Variants in DNAH2 observed in about 807,000 individuals in gnomAD.
DNAH2 encodes axonemal beta dynein heavy chain 2.
Under a neutral mutation model 523.5 loss-of-function variants are expected in DNAH2, and 323 were observed. The ratio of observed to expected loss-of-function variants is 0.62; its 90% CI spans 0.56 to 0.68. DNAH2 has a LOEUF of 0.68. Among genes scored for constraint, DNAH2 ranks in the 30% least tolerant of loss-of-function variants. The pLI is 0.00. For missense variants in DNAH2, 4,907 were observed against 5,701.5 expected (o/e 0.86, Z 4.49); for synonymous variants, 2,093 against 2,177.4 (o/e 0.96, Z 1.08).
intron 4 of DNAH2, among the ~76,000 whole-genome samples, chr17:7,728,589 A>G (rs368382058): frequency 1.3e-5 from 2 of 152,238 alleles, no homozygotes; most frequent in Admixed American, 6.5e-5. Flanking sequence ...AGTATGATTT[A>G]TATGAAGGAA....
chr17:7,797,401 G>GTCTTC lies in DNAH2; in HGVS notation c.7955_7959dup (p.Asp2654SerfsTer18). 6.2e-7 allele frequency: 1 copy of GTCTTC among 1,614,130 alleles called. No homozygotes were observed. The highest frequency in any genetic ancestry group is 8.5e-7 in the Non-Finnish European group (1 of 1,180,034). On this transcript the variant is annotated frameshift_variant and splice_region_variant, in exon 52 of 86. Transcript: ENST00000572933. LOFTEE classifies it high-confidence loss of function. ...CTCACCCCAGTTCCCTGCCCACAGA[G>GTCTTC]TCTTCTCTGACCGGCTGGTTGATGC...
chr17:7,765,370 T>G, intron 20 of DNAH2, 21 bp from the exon 21 acceptor site: 1 of 1,602,068 alleles, frequency 6.2e-7, no homozygotes, highest in South Asian at 1.1e-5. Context: ...CTGGTCATCC[T>G]CCACTCTCTG....
chr17:7,730,717 C>G (rs2074958175), intron 4 of DNAH2, among the ~76,000 whole-genome samples: 1 of 152,122 alleles, frequency 6.6e-6, no homozygotes, highest in Non-Finnish European at 1.5e-5. Flanking sequence ...GAGACAATCG[C>G]TTGAACCCGG....
chr17:7,727,382 C>A, intron 4 of DNAH2, 90 bp downstream of exon 4: 1 of 1,503,152 alleles, frequency 6.7e-7, no homozygotes. Flanking sequence ...TTGTCATCTC[C>A]TGTGCCCACG....
chr17:7,794,223 C>T, intron 48 of DNAH2, 31 bp from the exon 49 acceptor site: 1 of 1,550,438 alleles, frequency 6.4e-7, no homozygotes, highest in Non-Finnish European at 8.8e-7. Context: ...TCCCCTCCTG[C>T]CTGTCTGCCC....
Position 7,824,191 on chromosome 17 carries a change from C to A in DNAH2, c.11549C>A (p.Ala3850Asp). The A allele has an allele frequency of 1.2e-6, 2 of 1,605,510 alleles. No individual in the cohort carries two copies. Among genetic ancestry groups the A allele is most frequent in the Non-Finnish European group, 1.7e-6 (2 of 1,177,720 alleles). The change falls in exon 76 of 86, where the codon GCC becomes GAC. Residue 3850 changes from alanine (A) to aspartate (D), a missense_variant. Coordinates refer to ENST00000572933, the MANE Select transcript of DNAH2 (RefSeq NM_020877.5). ...ILSPGVDPTS[A>D]LLQLAEHMGM... Reference sequence around the variant, plus strand: ...TCCCCTGGTGTGGACCCCACCAGTGCCCTGCTGCAGCTGGCAGAGCACATG... The same window carrying A: ...TCCCCTGGTGTGGACCCCACCAGTGACCTGCTGCAGCTGGCAGAGCACATG...
At position 7,780,083 on chromosome 17, in the gene DNAH2, T is replaced by C; in HGVS notation, c.5723-74T>C. On this transcript the variant is annotated intron_variant, in intron 36 of 85. Transcript: ENST00000572933. This position sits in a 1 kb window ranked among gnomAD's most constrained non-coding sequence, Gnocchi z 4.4. Reference sequence around the variant, plus strand: ...TTAGGGTGGGAGAAAATGAGACTGATTGGAAAGTGGGTTTGGGGAAGCAAA... The same window carrying C: ...TTAGGGTGGGAGAAAATGAGACTGACTGGAAAGTGGGTTTGGGGAAGCAAA... 2 of 1,556,164 alleles carry C rather than the reference T, an allele frequency of 1.3e-6. No individual in the cohort carries two copies. The highest frequency in any genetic ancestry group is 1.7e-6 in the Non-Finnish European group (2 of 1,149,636).
chr17:7,741,941 G>A (rs554949080), intron 11 of DNAH2, among the ~76,000 whole-genome samples: 3 of 152,016 alleles, frequency 2.0e-5, no homozygotes, highest in Admixed American at 2.0e-4. Flanking sequence ...GGGATTACAG[G>A]CATGAGCCAC....
At position 7,792,694 on chromosome 17, in the gene DNAH2, A is replaced by G; in HGVS notation, c.7183A>G (p.Thr2395Ala). ...FYKIMVPTVD[T>A]VRYNYLVSSL... The stretch of plus-strand genomic sequence containing the variant: ...TAAGATCATGGTGCCCACCGTCGAC[A>G]CTGTTCGCTACAACTACCTGGTGAG... Residue 2395 changes from threonine to alanine, a missense_variant, in exon 47 of 86, where the codon ACT becomes GCT. This residue lies in a region of DNAH2 where 2,806 missense variants were observed against 3,190.8 expected (regional missense o/e 0.88). Transcript: ENST00000572933. 1 of 1,614,106 alleles carries G rather than the reference A, an allele frequency of 6.2e-7. No homozygotes were observed. Among genetic ancestry groups the G allele is most frequent in the African/African-American group, 1.3e-5 (1 of 75,022 alleles).
At position 7,786,591 on chromosome 17, in the gene DNAH2, G is replaced by A. The variant is rs1451658910; in HGVS notation, c.6370G>A (p.Ala2124Thr). The A allele has an allele frequency of 6.8e-6, 11 of 1,613,830 alleles. 1 individual carries two copies. Among genetic ancestry groups the A allele is most frequent in the Non-Finnish European group, 9.3e-6 (11 of 1,180,014 alleles). ...TCAGGAGTTCCCTTTGAACCCCAAG[G>A]CATTGTCCCTAGGGGAACTGTATGG... is the stretch of plus-strand genomic sequence containing the variant. ...IVREFPLNPK[A>T]LSLGELYGEY... The change falls in exon 41 of 86, where the codon GCA becomes ACA. Residue 2124 changes from alanine (A) to threonine (T), a missense_variant. Ala to Thr is a moderately conservative substitution (Grantham distance 58, BLOSUM62 0). Around this residue, in one of 3 missense-constraint regions of DNAH2, gnomAD observed 2,806 missense variants for 3,190.8 expected, o/e 0.88. Coordinates refer to ENST00000572933, the MANE Select transcript of DNAH2 (RefSeq NM_020877.5). This position sits in a 1 kb window ranked among gnomAD's most constrained non-coding sequence, Gnocchi z 7.5.
intron 35 of DNAH2, among the ~76,000 whole-genome samples, chr17:7,778,963 A>C (rs1357437940): frequency 1.3e-5 from 2 of 152,212 alleles, no homozygotes. Context: ...ATTAAAGAAA[A>C]TAATGTGTGT....
At chr17:7,789,148 A>G (rs2076826559) in intron 44 of DNAH2, among the ~76,000 whole-genome samples, 1 of 149,620 alleles carries the variant, frequency 6.7e-6, no homozygotes, top group Non-Finnish European at 1.5e-5. Flanking sequence ...TAGGCAAGAC[A>G]GAGCAAGACT....
At chr17:7,742,500 G>T (rs1454429477) in intron 11 of DNAH2, among the ~76,000 whole-genome samples, 1 of 152,176 alleles carries the variant, frequency 6.6e-6, no homozygotes, top group Non-Finnish European at 1.5e-5. Context: ...TTGAGGTAGT[G>T]ACCTGCCATC....
At chr17:7,774,109 T>C (rs907612533) in intron 28 of DNAH2, among the ~76,000 whole-genome samples, 1 of 152,194 alleles carries the variant, frequency 6.6e-6, no homozygotes, top group Admixed American at 6.5e-5. Context: ...GGAAGCTGTT[T>C]ATGGAAGCAC....
intron 72 of DNAH2, among the ~76,000 whole-genome samples, chr17:7,819,707 G>A (rs1330119795): frequency 2.0e-5 from 3 of 152,178 alleles, no homozygotes; most frequent in East Asian, 3.8e-4. Flanking sequence ...TGAAAGTACC[G>A]GTTGGGATTC....
Position 7,754,557 on chromosome 17 carries a change from C to A in DNAH2, c.1905-2534C>A. The A allele has an allele frequency of 7.3e-7, 1 of 1,364,096 alleles. No individual in the cohort carries two copies. Among genetic ancestry groups the A allele is most frequent in the Non-Finnish European group, 1.0e-6 (1 of 971,266 alleles). 84.5% of individuals were successfully genotyped at this position (1,364,096 alleles called of 1,614,324 possible). On this transcript the variant is annotated intron_variant, in intron 12 of 85. Transcript: ENST00000572933. This position sits in a 1 kb window ranked among gnomAD's most constrained non-coding sequence, Gnocchi z 4.6. Reference sequence around the variant, plus strand: ...ACAAAAGAAGGGCCTAAAGAAGATGCACACCAACAATGCCAAGGCCATGAG... The same window carrying A: ...ACAAAAGAAGGGCCTAAAGAAGATGAACACCAACAATGCCAAGGCCATGAG...
rs139366653 is a variant in DNAH2 at position 7,772,924 on chromosome 17, C to T, written c.4501+1456C>T. Among the ~76,000 whole-genome samples, 241 of 152,276 alleles carry T rather than the reference C, an allele frequency of 1.6e-3. 1 individual carries two copies. The highest frequency in any genetic ancestry group is 2.7e-3 in the Admixed American group (41 of 15,290). ...AGTAGCTGGGACTACAGGCGTGTGC[C>T]ACCACACCCAGCTAAGTTTGTATTT... On this transcript the variant is annotated intron_variant, in intron 28 of 85. Coordinates refer to ENST00000572933, the MANE Select transcript of DNAH2 (RefSeq NM_020877.5).
intron 63 of DNAH2, among the ~76,000 whole-genome samples, chr17:7,809,042 G>T (rs921804277): frequency 2.0e-5 from 3 of 152,158 alleles, no homozygotes; most frequent in African/African-American, 7.2e-5. Flanking sequence ...TTATTTAACT[G>T]TTCCCCATTT....
intron 61 of DNAH2, among the ~76,000 whole-genome samples, chr17:7,805,747 G>T (rs1044256793): frequency 1.5e-4 from 23 of 152,124 alleles, no homozygotes; most frequent in African/African-American, 5.6e-4. Flanking sequence ...CCAGCTACTT[G>T]GGAGGCTGAG....
Sources: gnomAD v4.1 joint callset for allele counts (sites outside exome capture counted in the v4.1 genomes callset) on GRCh38, gnomAD v4.1.1 for gene constraint, gnomAD v4.1.1 regional missense constraint, Gnocchi (gnomAD v3.1) non-coding constraint, MANE v1.5 for transcripts, NCBI Gene and HGNC (gene_info 2026-07-23, HGNC 2026-07-21) for gene names.